The following SH3KBP1 variants were observed in gnomAD, a reference collection of about 807,000 sequenced individuals.
SH3KBP1 encodes SH3 domain-containing kinase-binding protein 1.
SH3KBP1 carries 8 observed loss-of-function variants against 50.1 expected under a neutral mutation model. The ratio of observed to expected loss-of-function variants is 0.16; its 90% CI spans 0.09 to 0.29. The LOEUF (loss-of-function observed/expected upper bound fraction) is 0.29. Among genes scored for constraint, SH3KBP1 ranks in the 10% least tolerant of loss-of-function variants. SH3KBP1 has a pLI of 1.00. For synonymous variants in SH3KBP1, 227 were observed against 218.6 expected (o/e 1.04, Z -0.34); for missense variants, 377 against 535.2 (o/e 0.70, Z 2.92).
intron 16 of SH3KBP1, among the ~76,000 whole-genome samples, chrX:19,540,279 T>C (rs1280565964): frequency 3.6e-5 from 4 of 110,594 alleles, no homozygotes; most frequent in Non-Finnish European, 7.6e-5. Flanking sequence ...ATCTGATGGA[T>C]CTCTTCCAGG....
intron 1 of SH3KBP1, among the ~76,000 whole-genome samples, chrX:19,877,414 C>T (rs981327274): frequency 6.3e-5 from 7 of 111,967 alleles, no homozygotes; most frequent in Non-Finnish European, 1.1e-4. Flanking sequence ...GGCAGCAGAG[C>T]AAGAATGGCC....
intron 2 of SH3KBP1, among the ~76,000 whole-genome samples, chrX:19,828,378 T>C (rs2067755209): frequency 8.9e-6 from 1 of 111,978 alleles, no homozygotes; most frequent in Admixed American, 9.5e-5. Flanking sequence ...TGTATGTTTT[T>C]AACAATATAA....
At chrX:19,810,766 A>G (rs915276209) in intron 2 of SH3KBP1, among the ~76,000 whole-genome samples, 7 of 112,225 alleles carry the variant, frequency 6.2e-5, no homozygotes, top group Admixed American at 4.7e-4. Flanking sequence ...TTGAATTAAA[A>G]AAAATCAGAG....
At chrX:19,806,566 G>A (rs116225561) in intron 2 of SH3KBP1, among the ~76,000 whole-genome samples, 2,661 of 111,142 alleles carry the variant, frequency 0.024, 84 homozygotes, top group African/African-American at 0.082. Context: ...CAGTTATTGA[G>A]ATCACAAAAA....
chrX:19,544,949 G>GA (rs1021052838), intron 15 of SH3KBP1, among the ~76,000 whole-genome samples: 4 of 111,934 alleles, frequency 3.6e-5, no homozygotes, highest in African/African-American at 9.7e-5. Flanking sequence ...ATGGTCACCA[G>GA]AAAAAACGGG....
At chrX:19,734,430 G>T (rs1318538136) in intron 3 of SH3KBP1, among the ~76,000 whole-genome samples, 2 of 112,009 alleles carry the variant, frequency 1.8e-5, no homozygotes, top group East Asian at 5.6e-4. Context: ...CCTCAGCTGT[G>T]GGAAGGAGGT....
At chrX:19,582,816 G>A (rs983435308) in intron 12 of SH3KBP1, among the ~76,000 whole-genome samples, 1 of 111,931 alleles carries the variant, frequency 8.9e-6, no homozygotes, top group Non-Finnish European at 1.9e-5. Context: ...TATTCTTTGG[G>A]AAGAAAATGA....
chrX:19,643,336 T>TTTTTTTTG, intron 7 of SH3KBP1, among the ~76,000 whole-genome samples: 1 of 97,701 alleles, frequency 1.0e-5, no homozygotes, highest in Non-Finnish European at 2.0e-5. Flanking sequence ...TTTTTTTTTT[T>TTTTTTTTG]TGAGACAGGG....
intron 5 of SH3KBP1, chrX:19,694,980 T>C: frequency 8.4e-7 from 1 of 1,188,313 alleles, no homozygotes. Flanking sequence ...GAGAACGAAG[T>C]TTCCCGGTCC....
chrX:19,866,617 G>A (rs1226283732), intron 1 of SH3KBP1, among the ~76,000 whole-genome samples: 1 of 108,072 alleles, frequency 9.3e-6, no homozygotes, highest in Non-Finnish European at 1.9e-5. Flanking sequence ...TTGAGCCCAG[G>A]AGTTTGAGGG....
chrX:19,671,850 C>T (rs955691339), intron 6 of SH3KBP1, among the ~76,000 whole-genome samples: 4 of 112,464 alleles, frequency 3.6e-5, no homozygotes, highest in Non-Finnish European at 7.5e-5. Context: ...AGGACAATTT[C>T]ACAAATCAGG....
At chrX:19,832,804 G>T (rs1196968285) in intron 2 of SH3KBP1, among the ~76,000 whole-genome samples, 1 of 111,832 alleles carries the variant, frequency 8.9e-6, no homozygotes, top group Admixed American at 9.4e-5. Context: ...GAGACCTTCT[G>T]GTCAAGACAT....
At chrX:19,878,171 G>A (rs2069309196) in intron 1 of SH3KBP1, among the ~76,000 whole-genome samples, 1 of 111,934 alleles carries the variant, frequency 8.9e-6, no homozygotes, top group Non-Finnish European at 1.9e-5. Flanking sequence ...AAGTGCTCAT[G>A]ATCACAGGTT....
intron 2 of SH3KBP1, among the ~76,000 whole-genome samples, chrX:19,827,706 A>G (rs1477312555): frequency 9.1e-6 from 1 of 109,466 alleles, no homozygotes; most frequent in African/African-American, 3.3e-5. Flanking sequence ...ACCCCTGTGA[A>G]AGAGTCCACA....
chrX:19,669,765 T>C (rs1159380654), intron 6 of SH3KBP1, among the ~76,000 whole-genome samples: 1 of 111,634 alleles, frequency 9.0e-6, no homozygotes, highest in African/African-American at 3.3e-5. Context: ...AACGGCACTC[T>C]CCTCATATAT....
At chrX:19,838,234 A>C (rs1332635230) in intron 1 of SH3KBP1, among the ~76,000 whole-genome samples, 1 of 112,468 alleles carries the variant, frequency 8.9e-6, no homozygotes, top group African/African-American at 3.2e-5. Context: ...CATTGACAGA[A>C]TGACACAGGT....
intron 6 of SH3KBP1, among the ~76,000 whole-genome samples, chrX:19,655,584 ATATTCT>A (rs2062253462): frequency 8.9e-6 from 1 of 111,768 alleles, no homozygotes. Flanking sequence ...CAAGTACTAC[ATATTCT>A]TATTTATTAG....
intron 2 of SH3KBP1, among the ~76,000 whole-genome samples, chrX:19,750,330 G>C: frequency 9.0e-6 from 1 of 111,676 alleles, no homozygotes; most frequent in Non-Finnish European, 1.9e-5. Flanking sequence ...AAAATGCTGG[G>C]ATTACAGGCG....
At chrX:19,678,035 A>G (rs2062967970) in intron 6 of SH3KBP1, among the ~76,000 whole-genome samples, 1 of 111,832 alleles carries the variant, frequency 8.9e-6, no homozygotes, top group Non-Finnish European at 1.9e-5. Context: ...TCTATCTCAC[A>G]TTGGCCTGAG....
Sources: allele counts gnomAD v4.1 joint callset (sites outside exome capture counted in the v4.1 genomes callset), GRCh38; gene constraint gnomAD v4.1.1; transcripts MANE v1.5; gene names NCBI Gene and HGNC (gene_info 2026-07-23, HGNC 2026-07-21).